SCNN1G: variants seen among roughly 807,000 people sequenced by gnomAD.
The protein encoded by SCNN1G is epithelial sodium channel subunit gamma.
SCNN1G carries 27 observed loss-of-function variants against 64.6 expected under a neutral mutation model. The observed-to-expected ratio is 0.42, with a 90% confidence interval of 0.31 to 0.58. SCNN1G has a LOEUF of 0.58. SCNN1G is among the 20% of genes least tolerant of loss of function. The pLI is 0.18. For missense variants in SCNN1G, 743 were observed against 823.4 expected, an observed-to-expected ratio of 0.90 and a Z score of 1.19; for synonymous variants, 330 against 314.2, an observed-to-expected ratio of 1.05 and a Z score of -0.53.
intron 1 of SCNN1G, among the ~76,000 whole-genome samples, chr16:23,184,135 T>A (rs1959566636): frequency 6.6e-6 from 1 of 152,216 alleles, no homozygotes; most frequent in African/African-American, 2.4e-5. Flanking sequence ...AGTTGAAATA[T>A]TATTTATATG....
Position 23,189,424 on chromosome 16 carries a change from C to T in SCNN1G, c.371C>T (p.Ala124Val). The T allele has an allele frequency of 6.2e-7, 1 of 1,614,158 alleles. No individual in the cohort carries two copies. The highest frequency in any genetic ancestry group is 8.5e-7 in the Non-Finnish European group (1 of 1,180,028). Residue 124 changes from alanine to valine, a missense_variant, in exon 3 of 13, where the codon GCC becomes GTC. Ala to Val is a moderately conservative substitution (Grantham distance 64). Coordinates refer to ENST00000300061, the MANE Select transcript of SCNN1G (RefSeq NM_001039.4). ...GACTTGGAACAGGAGACCAGAGAGG[C>T]CCTGAAGTCCCTGTATGGCTTTCCA... is the stretch of plus-strand genomic sequence containing the variant. ...LADLEQETRE[A>V]LKSLYGFPES... is the part of the protein sequence containing the mutation.
intron 4 of SCNN1G, among the ~76,000 whole-genome samples, chr16:23,193,339 G>A (rs149415665): frequency 2.3e-4 from 35 of 152,118 alleles, no homozygotes; most frequent in African/African-American, 8.0e-4. Flanking sequence ...ACTGAGCAGT[G>A]GGTGAGACAT....
chr16:23,189,245 C>T, intron 2 of SCNN1G, 126 bp from the exon 3 acceptor site: 1 of 992,944 alleles, frequency 1.0e-6, no homozygotes, highest in Admixed American at 1.8e-5. Context: ...GTGGTCTCCT[C>T]TGCCAAGGAG....
chr16:23,209,569 A>G (rs1274755971), intron 6 of SCNN1G, among the ~76,000 whole-genome samples, 181 bp from the exon 7 acceptor site: 3 of 152,176 alleles, frequency 2.0e-5, no homozygotes, highest in Non-Finnish European at 4.4e-5. Flanking sequence ...TGCTGATTTC[A>G]GTGTCTACCA....
At chr16:23,213,246 A>G (rs1037367662) in intron 11 of SCNN1G, 83 bp downstream of exon 11, 3 of 858,428 alleles carry the variant, frequency 3.5e-6, no homozygotes, top group Non-Finnish European at 5.6e-6. Flanking sequence ...TGTATGGCCA[A>G]ATCCTCTTTT....
In SCNN1G at chr16:23,212,093, C is replaced by T. The variant is rs1416506050; in HGVS notation, c.1236C>T (p.Tyr412=). Residue 412 remains tyrosine (Y), a synonymous_variant, in exon 8 of 13, where the codon TAC becomes TAT. Coordinates refer to ENST00000300061, the MANE Select transcript of SCNN1G (RefSeq NM_001039.4). ...TGGAGAAATGTGGGTGTGCCCAGTA[C>T]AGCCAGCCTCTACCTCCTGCAGCCA... is the stretch of plus-strand genomic sequence containing the variant. ...KMVEKCGCAQ[Y]SQPLPPAANY... is the part of the protein sequence containing the mutation. 1.2e-6 allele frequency: 2 copies of T among 1,613,978 alleles called. No homozygotes were observed. The highest frequency in any genetic ancestry group is 1.3e-5 in the African/African-American group (1 of 74,932).
intron 2 of SCNN1G, among the ~76,000 whole-genome samples, chr16:23,187,840 A>C (rs1237459820): frequency 6.6e-6 from 1 of 152,206 alleles, no homozygotes; most frequent in African/African-American, 2.4e-5. Context: ...AGAATCAGGC[A>C]GACTTTGTCA....
intron 12 of SCNN1G, 80 bp from the exon 13 acceptor site, chr16:23,215,009 C>T (rs1960136855): frequency 6.5e-7 from 1 of 1,550,026 alleles, no homozygotes; most frequent in Non-Finnish European, 8.9e-7. Context: ...ACCCGTGGCT[C>T]CCTTGGGAAT....
chr16:23,187,114 T>C (rs1001032855), intron 2 of SCNN1G, among the ~76,000 whole-genome samples: 3 of 149,526 alleles, frequency 2.0e-5, no homozygotes, highest in Non-Finnish European at 4.5e-5. Flanking sequence ...TTCTTTTTTT[T>C]TTTTTTTTTT....
intron 2 of SCNN1G, among the ~76,000 whole-genome samples, chr16:23,188,618 C>T (rs1177176337): frequency 1.3e-5 from 2 of 152,150 alleles, no homozygotes; most frequent in African/African-American, 4.8e-5. Context: ...TCCCGTTTTA[C>T]AAAGGAGAAT....
chr16:23,189,484 A>C lies in SCNN1G; in HGVS notation c.431A>C (p.Asn144Thr). 1 of 1,614,064 alleles carries C rather than the reference A, an allele frequency of 6.2e-7. No homozygotes were observed. The highest frequency in any genetic ancestry group is 8.5e-7 in the Non-Finnish European group (1 of 1,180,028). ...SRKRREAESW[N>T]SVSEGKQPRF... Reference sequence around the variant, plus strand: ...AAGCGCCGAGAGGCGGAGTCCTGGAACTCCGTCTCAGAGGGAAAGCAGCCT... The same window carrying C: ...AAGCGCCGAGAGGCGGAGTCCTGGACCTCCGTCTCAGAGGGAAAGCAGCCT... The change falls in exon 3 of 13, where the codon AAC (asparagine) becomes ACC (threonine). Residue 144 changes from asparagine (N) to threonine (T), a missense_variant. Transcript: ENST00000300061.
intron 4 of SCNN1G, among the ~76,000 whole-genome samples, chr16:23,193,770 A>G (rs1333420118): frequency 1.3e-5 from 2 of 151,026 alleles, no homozygotes; most frequent in Non-Finnish European, 2.9e-5. Flanking sequence ...TGTCTCCCTA[A>G]GAGTTGGGTT....
At chr16:23,197,802 C>T (rs893335041) in intron 6 of SCNN1G, among the ~76,000 whole-genome samples, 3 of 151,836 alleles carry the variant, frequency 2.0e-5, no homozygotes, top group Admixed American at 6.6e-5. Context: ...ATAGCTTGAA[C>T]CCAGGAGGAG....
At chr16:23,212,193 G>T (rs1960089943) in intron 8 of SCNN1G, 42 bp downstream of exon 8, 1 of 1,355,982 alleles carries the variant, frequency 7.4e-7, no homozygotes, top group Non-Finnish European at 1.1e-6. Flanking sequence ...CCCAGGACCA[G>T]GGTCAGCCTA....
chr16:23,191,243 CTG>C (rs923640039), intron 3 of SCNN1G, among the ~76,000 whole-genome samples: 2 of 152,174 alleles, frequency 1.3e-5, no homozygotes, highest in Non-Finnish European at 2.9e-5. Flanking sequence ...CCAGCCACCT[CTG>C]GAGGACAGGG....
intron 10 of SCNN1G, 36 bp downstream of exon 10, chr16:23,212,930 C>G (rs1960103592): frequency 6.2e-7 from 1 of 1,605,286 alleles, no homozygotes; most frequent in Admixed American, 1.7e-5. Flanking sequence ...CACTGAAGCC[C>G]CCAGCCTGGA....
intron 7 of SCNN1G, 114 bp downstream of exon 7, chr16:23,209,962 G>A (rs1567268554): frequency 1.3e-6 from 1 of 763,290 alleles, no homozygotes; most frequent in Non-Finnish European, 2.3e-6. Flanking sequence ...GGATCCCTGG[G>A]GTTCATCCAG....
Position 23,212,750 on chromosome 16 carries a change from C to A in SCNN1G, c.1367C>A (p.Ala456Asp). The A allele has an allele frequency of 1.2e-6, 2 of 1,614,050 alleles. No homozygotes were observed. Among genetic ancestry groups the A allele is most frequent in the Non-Finnish European group, 1.7e-6 (2 of 1,179,932 alleles). Residue 456 changes from alanine to aspartate, a missense_variant, in exon 9 of 13, where the codon GCC becomes GAC. Ala to Asp is a moderately radical substitution (Grantham distance 126). Coordinates refer to ENST00000300061, the MANE Select transcript of SCNN1G (RefSeq NM_001039.4). ...ELGCQSVCKE[A>D]CSFKEWTLTT... is the part of the protein sequence containing the mutation. ...GGCTGCCAGTCTGTGTGCAAGGAAGCCTGCAGGTATGTGGACCCCAAGGGG... is the reference window on the plus strand; with the variant it reads ...GGCTGCCAGTCTGTGTGCAAGGAAGACTGCAGGTATGTGGACCCCAAGGGG...
At chr16:23,194,646 T>C (rs965355107) in intron 5 of SCNN1G, among the ~76,000 whole-genome samples, 2 of 152,168 alleles carry the variant, frequency 1.3e-5, no homozygotes, top group Admixed American at 6.5e-5. Flanking sequence ...TAGACGCACA[T>C]TTATCTTAGT....
Sources: allele counts gnomAD v4.1 joint callset (sites outside exome capture counted in the v4.1 genomes callset), GRCh38; gene constraint gnomAD v4.1.1; transcripts MANE v1.5; gene names NCBI Gene and HGNC (gene_info 2026-07-23, HGNC 2026-07-21).